The following ZNF786 variants were observed in gnomAD, a reference collection of about 807,000 sequenced individuals.
The protein encoded by ZNF786 is zinc finger protein 786.
ZNF786 carries 56 observed loss-of-function variants against 63.1 expected under a neutral mutation model. The ratio of observed to expected loss-of-function variants is 0.89; its 90% CI spans 0.72 to 1.11. The LOEUF is 1.11. Ranked by LOEUF, ZNF786 falls within the 50% of genes least tolerant of loss-of-function variation. The pLI is 0.00. For missense variants in ZNF786, 1,213 were observed against 1,041.8 expected (o/e 1.16, Z -2.26); for synonymous variants, 485 against 406.9 (o/e 1.19, Z -2.31).
intron 1 of ZNF786, among the ~76,000 whole-genome samples, chr7:149,088,974 G>A: frequency 1.2e-5 from 1 of 84,870 alleles, no homozygotes; most frequent in East Asian, 3.0e-4. Context: ...TTTTTTTTTT[G>A]GAGACAGAGT....
chr7:149,074,878 T>C (rs1534197), intron 2 of ZNF786, among the ~76,000 whole-genome samples: 82,835 of 151,832 alleles, frequency 0.55, 25,987 homozygotes, highest in East Asian at 0.9. Context: ...CTCACTCCAG[T>C]TGCCAAGGCT....
At chr7:149,089,806 C>T (rs948727205) in intron 1 of ZNF786, among the ~76,000 whole-genome samples, 2 of 151,800 alleles carry the variant, frequency 1.3e-5, no homozygotes, top group African/African-American at 4.8e-5. Flanking sequence ...CTCCGTCTCC[C>T]GGGTTCAAAC....
At position 149,071,908 on chromosome 7, in the gene ZNF786, G is replaced by C. The variant is rs749410813; in HGVS notation, c.864C>G (p.Leu288=). The change falls in exon 4 of 4, where the codon CTC becomes CTG. Residue 288 remains leucine, a synonymous_variant. Transcript: ENST00000491431. ...GGGCAGGCTTCTCCCCCTGCTGCGG[G>C]AGGCGGTGGCTGGGATGGGTCAGCT... is the stretch of plus-strand genomic sequence containing the variant. ...RHELTHPSHR[L]PQQGEKPAQC... 1 of 1,605,358 alleles carries C rather than the reference G, an allele frequency of 6.2e-7. No homozygotes were observed. Among genetic ancestry groups the C allele is most frequent in the African/African-American group, 1.3e-5 (1 of 74,874 alleles).
chr7:149,072,657 C>T (rs1204269226), intron 3 of ZNF786, among the ~76,000 whole-genome samples, 184 bp from the exon 4 acceptor site: 1 of 152,152 alleles, frequency 6.6e-6, no homozygotes, highest in Non-Finnish European at 1.5e-5. Context: ...TGAAACTAAA[C>T]TGAACAGACA....
intron 1 of ZNF786, among the ~76,000 whole-genome samples, chr7:149,086,626 TCACACA>T (rs147898859): frequency 2.0e-5 from 3 of 147,608 alleles, no homozygotes; most frequent in Non-Finnish European, 3.0e-5. Flanking sequence ...ACACTCTGTC[TCACACA>T]CACACACACA....
intron 1 of ZNF786, chr7:149,082,464 T>C: frequency 2.6e-6 from 2 of 765,260 alleles, no homozygotes; most frequent in Non-Finnish European, 3.2e-6. Context: ...AATTATATAT[T>C]TGTTAATTTA....
At position 149,069,926 on chromosome 7, in the gene ZNF786, T is replaced by A. The variant is rs1165573428; in HGVS notation, c.*497A>T. The A allele has an allele frequency of 6.5e-6, 1 of 154,382 alleles. No homozygotes were observed. Among genetic ancestry groups the A allele is most frequent in the African/African-American group, 2.4e-5 (1 of 41,442 alleles). 9.6% of individuals were successfully genotyped at this position (154,382 alleles called of 1,614,324 possible). ...ATGAACCACTGTGCCTGGCCTAAAT[T>A]TACTTTTATAACAATTACTTTTTAA... On this transcript the variant is annotated 3_prime_UTR_variant, in exon 4 of 4. Transcript: ENST00000491431.
At chr7:149,085,674 C>A (rs1425844152) in intron 1 of ZNF786, among the ~76,000 whole-genome samples, 1,638 of 152,312 alleles carry the variant, frequency 0.011, 28 homozygotes, top group African/African-American at 0.038. Context: ...AATCTGGAAA[C>A]TGCTTTGGGC....
chr7:149,070,690 A>G lies in ZNF786; in HGVS notation c.2082T>C (p.His694=). The change falls in exon 4 of 4, where the codon CAT becomes CAC. Residue 694 remains histidine, a synonymous_variant. Transcript: ENST00000491431. ...GCCTCTCCCCTGTGTGCAGGCCCTGATGGCTGAGCAGCTGCGCCTTCAGGC... is the reference window on the plus strand; with the variant it reads ...GCCTCTCCCCTGTGTGCAGGCCCTGGTGGCTGAGCAGCTGCGCCTTCAGGC... ...SFRLKAQLLS[H]QGLHTGERPF... 6.2e-7 allele frequency: 1 copy of G among 1,613,812 alleles called. No individual in the cohort carries two copies. Among genetic ancestry groups the G allele is most frequent in the Admixed American group, 1.7e-5 (1 of 60,010 alleles).
chr7:149,073,704 CGTGT>C (rs529064265), intron 3 of ZNF786, among the ~76,000 whole-genome samples: 94 of 126,344 alleles, frequency 7.4e-4, no homozygotes, highest in African/African-American at 2.2e-3. Flanking sequence ...TGTATATACA[CGTGT>C]GTGTGTATAT....
At position 149,076,733 on chromosome 7, in the gene ZNF786, A is replaced by C. The variant is rs1456403757; in HGVS notation, c.146-2195T>G. Among the ~76,000 whole-genome samples, 10 of 151,814 alleles carry C rather than the reference A, an allele frequency of 6.6e-5. No homozygotes were observed. The East Asian group carries it at 1.8e-3, about 27-fold the overall frequency. On this transcript the variant is annotated intron_variant, in intron 2 of 3. Coordinates refer to ENST00000491431, the MANE Select transcript of ZNF786 (RefSeq NM_152411.4). The stretch of plus-strand genomic sequence containing the variant: ...GACTCCATCTTGAAAAAAAAAAAAA[A>C]AAAAACTACATAGACCATACCACAT...
intron 2 of ZNF786, among the ~76,000 whole-genome samples, chr7:149,078,222 T>C (rs1825592827): frequency 6.6e-6 from 1 of 152,156 alleles, no homozygotes; most frequent in African/African-American, 2.4e-5. Context: ...CCATTTGATC[T>C]TGATGCTTGG....
At position 149,074,321 on chromosome 7, in the gene ZNF786, C is replaced by T. The variant is rs1237327131; in HGVS notation, c.298+65G>A. ...GCTTGCCCAAACAGGATGACAAGATCAGAGAAGAGAAACAAATCTGAACAT... is the reference window on the plus strand; with the variant it reads ...GCTTGCCCAAACAGGATGACAAGATTAGAGAAGAGAAACAAATCTGAACAT... On this transcript the variant is annotated intron_variant, in intron 3 of 3. Coordinates refer to ENST00000491431, the MANE Select transcript of ZNF786 (RefSeq NM_152411.4). The T allele has an allele frequency of 3.8e-6, 6 of 1,578,794 alleles. No individual in the cohort carries two copies. In the East Asian group the frequency reaches 1.1e-4, roughly 30 times the overall value.
chr7:149,076,319 T>C (rs1825548173), intron 2 of ZNF786, among the ~76,000 whole-genome samples: 2 of 151,484 alleles, frequency 1.3e-5, no homozygotes, highest in South Asian at 2.1e-4. Flanking sequence ...TTCTCCATGT[T>C]GGTCAGGCTG....
chr7:149,073,747 G>GTGTGTGTGTA (rs1447329296), intron 3 of ZNF786, among the ~76,000 whole-genome samples: 10 of 77,566 alleles, frequency 1.3e-4, no homozygotes, highest in South Asian at 5.7e-4. Context: ...GTGTGTGTGT[G>GTGTGTGTGTA]TATATATATA....
At chr7:149,082,918 C>T (rs548093736) in intron 1 of ZNF786, among the ~76,000 whole-genome samples, 101 of 150,096 alleles carry the variant, frequency 6.7e-4, no homozygotes, top group African/African-American at 2.2e-3. Context: ...CATTTTGAGA[C>T]GGAGTCTCAC....
chr7:149,085,335 G>A (rs1288133796), intron 1 of ZNF786, among the ~76,000 whole-genome samples: 1 of 152,082 alleles, frequency 6.6e-6, no homozygotes, highest in African/African-American at 2.4e-5. Context: ...GCTCATACCT[G>A]TAATCCCAGT....
rs777344255 is a variant in ZNF786, at chr7:149,072,160, C to T, written c.612G>A (p.Met204Ile). Residue 204 changes from methionine to isoleucine, a missense_variant, in exon 4 of 4, where the codon ATG becomes ATA. By Grantham distance (10) the Met-to-Ile change is conservative (BLOSUM62 1). Coordinates refer to ENST00000491431, the MANE Select transcript of ZNF786 (RefSeq NM_152411.4). ...ESCWENNHLV[M>I]HQRGHSKDRT... Reference sequence around the variant, plus strand: ...GGTCCTTTGAGTGGCCTCTCTGGTGCATTACTAAATGGTTGTTCTCCCAAC... The same window carrying T: ...GGTCCTTTGAGTGGCCTCTCTGGTGTATTACTAAATGGTTGTTCTCCCAAC... The T allele has an allele frequency of 1.9e-6, 3 of 1,613,162 alleles. No individual in the cohort carries two copies. The highest frequency in any genetic ancestry group is 2.5e-6 in the Non-Finnish European group (3 of 1,179,686).
chr7:149,089,100 C>G (rs554928987), intron 1 of ZNF786, among the ~76,000 whole-genome samples: 20 of 150,912 alleles, frequency 1.3e-4, no homozygotes, highest in African/African-American at 4.9e-4. Flanking sequence ...GGCTCCCGCC[C>G]ACACGCCCAG....
Sources: gnomAD v4.1 joint callset for allele counts (sites outside exome capture counted in the v4.1 genomes callset) on GRCh38, gnomAD v4.1.1 for gene constraint, MANE v1.5 for transcripts, NCBI Gene and HGNC (gene_info 2026-07-23, HGNC 2026-07-21) for gene names.